Variants in PSMD1 observed in about 807,000 individuals in gnomAD.
PSMD1 encodes the protein 26S proteasome non-ATPase regulatory subunit 1.
Under a neutral mutation model 119.0 loss-of-function variants are expected in PSMD1, and 18 were observed. The observed-to-expected ratio is 0.15, with a 90% confidence interval of 0.10 to 0.22. The LOEUF is 0.22. Ranked by LOEUF, PSMD1 falls within the 10% of genes least tolerant of loss-of-function variation. The pLI, the probability that PSMD1 is intolerant of heterozygous loss-of-function variation, is 1.00. For missense variants in PSMD1, 702 were observed against 1,158.5 expected (o/e 0.61, Z 5.72); for synonymous variants, 374 against 396.6 (o/e 0.94, Z 0.68).
In PSMD1 at chr2:231,123,610, T is replaced by G. The variant is rs1440770308; in HGVS notation, c.1884-15126T>G. 3.1e-6 allele frequency: 5 copies of G among 1,614,062 alleles called. No individual in the cohort carries two copies. The Admixed American group carries it at 8.3e-5, about 27-fold the overall frequency. On this transcript the variant is annotated intron_variant, in intron 16 of 24. Transcript: ENST00000308696. Reference sequence around the variant, plus strand: ...CAGAAGAGCTGCCCAGTGCAGTTTATTTCCCTGTTCCTCAACAATCTGTTT... The same window carrying G: ...CAGAAGAGCTGCCCAGTGCAGTTTAGTTCCCTGTTCCTCAACAATCTGTTT...
At chr2:231,096,511 T>G (rs983590358) in intron 16 of PSMD1, among the ~76,000 whole-genome samples, 1 of 152,246 alleles carries the variant, frequency 6.6e-6, no homozygotes, top group East Asian at 1.9e-4. Flanking sequence ...TTCTCCCAAC[T>G]GGTTTCCAGA....
At chr2:231,094,610 G>C (rs972725726) in intron 16 of PSMD1, among the ~76,000 whole-genome samples, 2 of 152,228 alleles carry the variant, frequency 1.3e-5, no homozygotes, top group African/African-American at 4.8e-5. Flanking sequence ...CTGAGTGCTA[G>C]TAAATCCAGA....
At chr2:231,123,251 A>G (rs1322996463) in intron 16 of PSMD1, among the ~76,000 whole-genome samples, 1 of 152,200 alleles carries the variant, frequency 6.6e-6, no homozygotes, top group East Asian at 1.9e-4. Context: ...CTGATCAACC[A>G]TAGAGAATGA....
intron 15 of PSMD1, 84 bp downstream of exon 15, chr2:231,085,198 C>A: frequency 8.9e-7 from 1 of 1,121,526 alleles, no homozygotes; most frequent in South Asian, 1.3e-5. Flanking sequence ...CTCCAGCATC[C>A]ACAGCGCATG....
intron 16 of PSMD1, among the ~76,000 whole-genome samples, chr2:231,091,715 C>T (rs180935142): frequency 9.9e-5 from 15 of 152,132 alleles, no homozygotes; most frequent in African/African-American, 3.1e-4. Flanking sequence ...GTTTGTTGGG[C>T]GTGTAGATCT....
At chr2:231,070,563 A>T (rs1478351987) in intron 6 of PSMD1, among the ~76,000 whole-genome samples, 1 of 152,152 alleles carries the variant, frequency 6.6e-6, no homozygotes, top group African/African-American at 2.4e-5. Flanking sequence ...TTACCCATAC[A>T]CACCAAAACA....
intron 16 of PSMD1, among the ~76,000 whole-genome samples, chr2:231,114,641 C>G (rs17440378): frequency 3.3e-5 from 5 of 151,956 alleles, no homozygotes; most frequent in African/African-American, 1.2e-4. Context: ...CAGGGTTAGA[C>G]GTAGTACTTA....
At chr2:231,089,870 T>C (rs2125180708) in intron 16 of PSMD1, among the ~76,000 whole-genome samples, 1 of 152,284 alleles carries the variant, frequency 6.6e-6, no homozygotes, top group East Asian at 1.9e-4. Context: ...TAAGGGTGGA[T>C]CTGCCTTCCC....
intron 18 of PSMD1, among the ~76,000 whole-genome samples, chr2:231,149,273 G>A (rs975697922): frequency 6.6e-6 from 1 of 152,132 alleles, no homozygotes; most frequent in Non-Finnish European, 1.5e-5. Flanking sequence ...CATTTAACAA[G>A]GGTAATGTTC....
rs567255621 is a variant in PSMD1 at position 231,068,169 on chromosome 2, G to A, written c.510+1058G>A. On this transcript the variant is annotated intron_variant, in intron 5 of 24. Coordinates refer to ENST00000308696, the MANE Select transcript of PSMD1 (RefSeq NM_002807.4). ...TTGTATTAGTAGATAGTTAATAGCT[G>A]TCTTTCCCACTAGATCATAAGCTAT... Among the ~76,000 whole-genome samples, 6 of 152,270 alleles carry A rather than the reference G, an allele frequency of 3.9e-5. No individual in the cohort carries two copies. In the South Asian group the frequency reaches 1.2e-3, roughly 32 times the overall value.
chr2:231,110,462 A>G (rs1010877757), intron 16 of PSMD1, among the ~76,000 whole-genome samples: 6 of 152,200 alleles, frequency 3.9e-5, no homozygotes, highest in Non-Finnish European at 7.3e-5. Flanking sequence ...GGTTAACCTG[A>G]ATCTTTTTCC....
chr2:231,147,984 T>C (rs564115895), intron 18 of PSMD1, among the ~76,000 whole-genome samples: 1 of 152,344 alleles, frequency 6.6e-6, no homozygotes, highest in African/African-American at 2.4e-5. Context: ...TTCATTTATT[T>C]AGTGCTTCTA....
Position 231,062,685 on chromosome 2 carries a change from G to T in PSMD1, c.304+10G>T. ...GTGGAAACTATTATAGGTAATTATCGTCTATCTGGTAAGGCTTTATCTTGT... is the reference window on the plus strand; with the variant it reads ...GTGGAAACTATTATAGGTAATTATCTTCTATCTGGTAAGGCTTTATCTTGT... On this transcript the variant is annotated intron_variant, in intron 4 of 24. Coordinates refer to ENST00000308696, the MANE Select transcript of PSMD1 (RefSeq NM_002807.4). 6.3e-7 allele frequency: 1 copy of T among 1,575,648 alleles called. No individual in the cohort carries two copies. The highest frequency in any genetic ancestry group is 8.6e-7 in the Non-Finnish European group (1 of 1,160,788).
At chr2:231,164,430 A>G (rs1245260222) in intron 21 of PSMD1, among the ~76,000 whole-genome samples, 1 of 152,234 alleles carries the variant, frequency 6.6e-6, no homozygotes, top group Non-Finnish European at 1.5e-5. Flanking sequence ...AGTTTTACTC[A>G]GTAAAATTAT....
chr2:231,090,310 A>G (rs1330445142), intron 16 of PSMD1, among the ~76,000 whole-genome samples: 2 of 152,208 alleles, frequency 1.3e-5, no homozygotes, highest in African/African-American at 4.8e-5. Flanking sequence ...TGGGAAGCCA[A>G]CGCGGCAGAT....
chr2:231,061,535 C>A (rs888261194), intron 2 of PSMD1, among the ~76,000 whole-genome samples: 1 of 152,008 alleles, frequency 6.6e-6, no homozygotes. Context: ...CTTGAATAGC[C>A]CCCTAATTTC....
intron 20 of PSMD1, chr2:231,163,054 G>A (rs1360279621): frequency 6.6e-6 from 1 of 150,632 alleles, no homozygotes; most frequent in Non-Finnish European, 1.5e-5. Flanking sequence ...AGCTGAGTTT[G>A]CGCCACTGCA....
At chr2:231,071,795 A>G (rs1379756752) in intron 6 of PSMD1, among the ~76,000 whole-genome samples, 1 of 152,198 alleles carries the variant, frequency 6.6e-6, no homozygotes, top group East Asian at 1.9e-4. Flanking sequence ...CTGGCCCAAC[A>G]CAACACAATG....
intron 18 of PSMD1, among the ~76,000 whole-genome samples, chr2:231,146,716 G>C (rs1016994560): frequency 1.3e-5 from 2 of 152,122 alleles, no homozygotes; most frequent in Admixed American, 6.5e-5. Flanking sequence ...GCAAACTTAG[G>C]CAGTCCATGC....
Sources: gnomAD v4.1 joint callset for allele counts (sites outside exome capture counted in the v4.1 genomes callset) on GRCh38, gnomAD v4.1.1 for gene constraint, MANE v1.5 for transcripts, NCBI Gene and HGNC (gene_info 2026-07-23, HGNC 2026-07-21) for gene names.